SYT1: variants seen among roughly 807,000 people sequenced by gnomAD.
SYT1 encodes synaptotagmin 1.
Under a neutral mutation model 44.8 loss-of-function variants are expected in SYT1, and 8 were observed. The ratio of observed to expected loss-of-function variants is 0.18; its 90% CI spans 0.10 to 0.32. The LOEUF is 0.32. SYT1 is among the 10% of genes least tolerant of loss of function. SYT1 has a pLI of 1.00. For missense variants in SYT1, 286 were observed against 509.3 expected, an observed-to-expected ratio of 0.56 and a Z score of 4.22; for synonymous variants, 154 against 188.8, an observed-to-expected ratio of 0.82 and a Z score of 1.51.
chr12:79,193,303 G>C (rs996475484), intron 3 of SYT1, among the ~76,000 whole-genome samples: 4 of 152,050 alleles, frequency 2.6e-5, no homozygotes, highest in Admixed American at 1.3e-4. Context: ...ATGTACTAGG[G>C]AAATAAATAA....
intron 3 of SYT1, among the ~76,000 whole-genome samples, chr12:79,121,990 C>A (rs1592766844): frequency 6.6e-6 from 1 of 152,278 alleles, no homozygotes; most frequent in East Asian, 1.9e-4. Flanking sequence ...TGAATTTAAC[C>A]ACACAGATTA....
chr12:79,026,749 C>G, intron 2 of SYT1, among the ~76,000 whole-genome samples: 1 of 141,266 alleles, frequency 7.1e-6, no homozygotes. Context: ...TAGGTTGTTT[C>G]CATTTCTTAG....
At chr12:78,914,294 T>C (rs933697330) in intron 1 of SYT1, among the ~76,000 whole-genome samples, 2 of 151,820 alleles carry the variant, frequency 1.3e-5, no homozygotes, top group Non-Finnish European at 2.9e-5. Context: ...AAAAGATGGC[T>C]TGTGGTGCTG....
At chr12:79,290,429 T>C (rs1200694599) in intron 5 of SYT1, among the ~76,000 whole-genome samples, 1 of 152,196 alleles carries the variant, frequency 6.6e-6, no homozygotes, top group Non-Finnish European at 1.5e-5. Flanking sequence ...CTGAGAATGC[T>C]GAACACAGCA....
intron 3 of SYT1, among the ~76,000 whole-genome samples, chr12:79,188,891 A>G (rs1381202897): frequency 6.6e-6 from 1 of 152,114 alleles, no homozygotes; most frequent in Non-Finnish European, 1.5e-5. Flanking sequence ...AAATGCATAG[A>G]AGAATACAGA....
rs374718010 is a variant in SYT1 at position 79,194,368 on chromosome 12, C to T, written c.-17-23135C>T. Among the ~76,000 whole-genome samples the T allele has an allele frequency of 4.6e-5, 7 of 152,082 alleles. 1 individual carries two copies. Among genetic ancestry groups the T allele is most frequent in the Admixed American group, 3.3e-4 (5 of 15,264 alleles). On this transcript the variant is annotated intron_variant, in intron 3 of 10. Transcript: ENST00000261205. ...TACTGCAGTGGGTCTCAAAGACAAGCCACATCAGATTCACCTGGAGGGCTT... is the reference window on the plus strand; with the variant it reads ...TACTGCAGTGGGTCTCAAAGACAAGTCACATCAGATTCACCTGGAGGGCTT...
chr12:79,103,302 C>T lies in SYT1; in HGVS notation c.-18+55940C>T, dbSNP rs77857050. On this transcript the variant is annotated intron_variant, in intron 3 of 10. Coordinates refer to ENST00000261205, the MANE Select transcript of SYT1 (RefSeq NM_005639.3). ...ATTACCACTTTTAAAATAAATTTTCCTTATCTTTGGGCTTTGCATAGACAA... is the reference window on the plus strand; with the variant it reads ...ATTACCACTTTTAAAATAAATTTTCTTTATCTTTGGGCTTTGCATAGACAA... Among the ~76,000 whole-genome samples the T allele has an allele frequency of 3.2e-3, 482 of 152,138 alleles. 3 individuals carry two copies. The highest frequency in any genetic ancestry group is 5.9e-3 in the Admixed American group (90 of 15,286).
chr12:79,214,973 G>A (rs1380617973), intron 3 of SYT1, among the ~76,000 whole-genome samples: 1 of 121,578 alleles, frequency 8.2e-6, no homozygotes, highest in East Asian at 2.3e-4. Context: ...GTGTGTGTGT[G>A]TGTGTGTACA....
intron 8 of SYT1, chr12:79,341,111 C>T (rs969240030): frequency 2.0e-5 from 3 of 152,184 alleles, no homozygotes; most frequent in African/African-American, 7.2e-5. Context: ...GAAAACCCAA[C>T]ATAAGGGTTT....
At position 79,148,835 on chromosome 12, in the gene SYT1, G is replaced by A. The variant is rs567333990; in HGVS notation, c.-17-68668G>A. On this transcript the variant is annotated intron_variant, in intron 3 of 10. Coordinates refer to ENST00000261205, the MANE Select transcript of SYT1 (RefSeq NM_005639.3). ...ATTTGATTGTAAACCATTAATATTC[G>A]AGATTACCGATTGGCTTTCCTTATT... Among the ~76,000 whole-genome samples the A allele has an allele frequency of 8.5e-5, 13 of 152,198 alleles. No individual in the cohort carries two copies. In the East Asian group the frequency reaches 1.7e-3, roughly 20 times the overall value.
chr12:79,133,320 G>C (rs1019035215), intron 3 of SYT1, among the ~76,000 whole-genome samples: 1 of 152,056 alleles, frequency 6.6e-6, no homozygotes, highest in Admixed American at 6.6e-5. Flanking sequence ...GGAGGTCAAG[G>C]CTGCAGTGAG....
intron 4 of SYT1, among the ~76,000 whole-genome samples, chr12:79,269,104 T>A (rs560896520): frequency 8.8e-5 from 13 of 146,932 alleles, no homozygotes; most frequent in South Asian, 4.4e-4. Context: ...TTTTTTTTTT[T>A]ATTGAATATC....
chr12:79,239,974 C>G (rs1033494086), intron 4 of SYT1, among the ~76,000 whole-genome samples: 1 of 152,172 alleles, frequency 6.6e-6, no homozygotes, highest in African/African-American at 2.4e-5. Flanking sequence ...CTGGGCTCAC[C>G]CAGGACAGTC....
chr12:79,117,796 G>C (rs554176525), intron 3 of SYT1, among the ~76,000 whole-genome samples: 2 of 147,842 alleles, frequency 1.4e-5, no homozygotes, highest in African/African-American at 5.0e-5. Flanking sequence ...TTATGGCACT[G>C]TTGGTGGTAG....
intron 1 of SYT1, among the ~76,000 whole-genome samples, chr12:78,897,370 A>G (rs1488195546): frequency 2.0e-5 from 3 of 151,962 alleles, no homozygotes; most frequent in Admixed American, 1.3e-4. Context: ...TCCTTGTAGG[A>G]TTAAATTTTC....
chr12:79,125,243 A>G (rs1157327005), intron 3 of SYT1, among the ~76,000 whole-genome samples: 2 of 152,058 alleles, frequency 1.3e-5, no homozygotes, highest in African/African-American at 4.8e-5. Context: ...AAAATAACGT[A>G]CCTATTTATT....
chr12:78,890,082 C>A (rs902300547), intron 1 of SYT1, among the ~76,000 whole-genome samples: 3 of 151,868 alleles, frequency 2.0e-5, no homozygotes, highest in African/African-American at 7.3e-5. Context: ...CAGACATATC[C>A]ATTTGAATAT....
chr12:78,948,808 C>T (rs980114225), intron 1 of SYT1, among the ~76,000 whole-genome samples: 2 of 151,712 alleles, frequency 1.3e-5, no homozygotes, highest in Admixed American at 6.6e-5. Context: ...GAGATAACTA[C>T]TTGCATAGTG....
chr12:79,314,168 C>CAAAA (rs34951756), intron 8 of SYT1, among the ~76,000 whole-genome samples: 16 of 67,278 alleles, frequency 2.4e-4, no homozygotes, highest in Middle Eastern at 8.6e-3. Flanking sequence ...GACTCCGTCT[C>CAAAA]AAAAAAAAAA....
Sources: allele counts gnomAD v4.1 joint callset (sites outside exome capture counted in the v4.1 genomes callset), GRCh38; gene constraint gnomAD v4.1.1; transcripts MANE v1.5; gene names NCBI Gene and HGNC (gene_info 2026-07-23, HGNC 2026-07-21).